The following CIMAP2 variants were observed in gnomAD, a reference collection of about 807,000 sequenced individuals.
The protein encoded by CIMAP2 is ciliary microtubule-associated protein 2.
the CIMAP2 span, chr1:54,807,516 T>G: frequency 6.6e-7 from 1 of 1,525,004 alleles, no homozygotes; most frequent in Non-Finnish European, 8.8e-7. Context: ...CTGACCACAC[T>G]CTGACTCAGT....
the CIMAP2 span, among the ~76,000 whole-genome samples, chr1:54,815,213 G>C: frequency 6.6e-6 from 1 of 152,164 alleles, no homozygotes; most frequent in African/African-American, 2.4e-5. Flanking sequence ...TAAGGCATTG[G>C]TTCTCAAACT....
chr1:54,807,650 A>G, the CIMAP2 span: 1 of 1,609,378 alleles, frequency 6.2e-7, no homozygotes, highest in African/African-American at 1.3e-5. Flanking sequence ...CAGCTACCCC[A>G]CTTCCAGTAC....
chr1:54,838,342 G>A, the CIMAP2 span, among the ~76,000 whole-genome samples: 1 of 151,920 alleles, frequency 6.6e-6, no homozygotes, highest in Admixed American at 6.5e-5. Context: ...AATTAGCCGG[G>A]TGCGGTGGTG....
the CIMAP2 span, among the ~76,000 whole-genome samples, chr1:54,808,990 G>GTTTAGCATCCCTCCTCCC: frequency 1.8e-4 from 26 of 147,144 alleles, no homozygotes; most frequent in Admixed American, 9.6e-4. Context: ...TCTTGTGTGT[G>GTTTAGCATCCCTCCTCCC]ACTGGACAGC....
At chr1:54,839,633 C>T in the CIMAP2 span, among the ~76,000 whole-genome samples, 1 of 152,100 alleles carries the variant, frequency 6.6e-6, no homozygotes, top group Non-Finnish European at 1.5e-5. Context: ...CTGCCTTGGC[C>T]TCCCAAAGTG....
At chr1:54,828,581 C>T in the CIMAP2 span, among the ~76,000 whole-genome samples, 2 of 152,196 alleles carry the variant, frequency 1.3e-5, no homozygotes, top group African/African-American at 4.8e-5. Flanking sequence ...ATCCTCCTGC[C>T]TTGGCCTCCC....
chr1:54,808,417 CATTG>C, the CIMAP2 span, among the ~76,000 whole-genome samples: 1 of 152,082 alleles, frequency 6.6e-6, no homozygotes, highest in African/African-American at 2.4e-5. Context: ...GCATTCCAGG[CATTG>C]GAAGCAGCAG....
chr1:54,830,107 G>A, the CIMAP2 span, among the ~76,000 whole-genome samples: 1 of 152,212 alleles, frequency 6.6e-6, no homozygotes, highest in Non-Finnish European at 1.5e-5. This position sits in a 1 kb window ranked among gnomAD's most constrained non-coding sequence, Gnocchi z 4.1. Context: ...CTCTCTGGGG[G>A]TTGTAAGCTT....
chr1:54,827,626 A>G, the CIMAP2 span, among the ~76,000 whole-genome samples: 1 of 152,222 alleles, frequency 6.6e-6, no homozygotes, highest in Non-Finnish European at 1.5e-5. Context: ...CTGAAAAATG[A>G]GGGTAAACTA....
At chr1:54,834,160 T>G in the CIMAP2 span, among the ~76,000 whole-genome samples, 1 of 152,178 alleles carries the variant, frequency 6.6e-6, no homozygotes, top group Non-Finnish European at 1.5e-5. Flanking sequence ...TTGAAACATC[T>G]TCCCCACAGT....
chr1:54,813,997 G>A, the CIMAP2 span: 4 of 1,564,302 alleles, frequency 2.6e-6, no homozygotes, highest in East Asian at 6.8e-5. Flanking sequence ...CCTATGGCCG[G>A]CCTTCCTCTC....
At chr1:54,835,076 A>G in the CIMAP2 span, among the ~76,000 whole-genome samples, 1 of 152,252 alleles carries the variant, frequency 6.6e-6, no homozygotes, top group Admixed American at 6.5e-5. Context: ...TAAAAGGCAT[A>G]TTCTTTGTCC....
the CIMAP2 span, among the ~76,000 whole-genome samples, chr1:54,818,879 C>T: frequency 6.6e-6 from 1 of 152,202 alleles, no homozygotes; most frequent in Non-Finnish European, 1.5e-5. Context: ...AGGTGTGAGC[C>T]ACTGCGGCTG....
chr1:54,839,747 G>T, the CIMAP2 span, among the ~76,000 whole-genome samples: 1 of 151,900 alleles, frequency 6.6e-6, no homozygotes, highest in Non-Finnish European at 1.5e-5. Context: ...ACAATTCTAT[G>T]AGGTTTTGTT....
At chr1:54,836,678 A>G in the CIMAP2 span, among the ~76,000 whole-genome samples, 1 of 152,050 alleles carries the variant, frequency 6.6e-6, no homozygotes, top group Non-Finnish European at 1.5e-5. Flanking sequence ...CAGGTGCCAT[A>G]AGCGTGTGGG....
chr1:54,813,799 C>T, the CIMAP2 span: 1 of 1,582,120 alleles, frequency 6.3e-7, no homozygotes, highest in Admixed American at 2.0e-5. Flanking sequence ...ATTCCTTTTT[C>T]TCTCTTTTTC....
At chr1:54,841,861 T>A in the CIMAP2 span, 1 of 1,552,020 alleles carries the variant, frequency 6.4e-7, no homozygotes, top group East Asian at 2.4e-5. Flanking sequence ...ACAATTCAGA[T>A]CCTACTCCTT....
chr1:54,823,345 CTT>C, the CIMAP2 span, among the ~76,000 whole-genome samples: 2 of 146,044 alleles, frequency 1.4e-5, no homozygotes. Context: ...TTTTTATGTT[CTT>C]TTTTTTTTTA....
the CIMAP2 span, among the ~76,000 whole-genome samples, chr1:54,824,656 AGT>A: frequency 0.098 from 14,843 of 151,672 alleles, 875 homozygotes; most frequent in Non-Finnish European, 0.13. Flanking sequence ...TGCTTGATGT[AGT>A]GTATTGTTGA....
Sources: gnomAD v4.1 joint callset for allele counts (sites outside exome capture counted in the v4.1 genomes callset) on GRCh38, gnomAD v4.1.1 for gene constraint, Gnocchi (gnomAD v3.1) non-coding constraint, MANE v1.5 for transcripts, NCBI Gene and HGNC (gene_info 2026-07-23, HGNC 2026-07-21) for gene names.